Variants in EGFLAM observed in about 807,000 individuals in gnomAD.
EGFLAM encodes EGF like, fibronectin type III and laminin G domains.
In EGFLAM, 79 loss-of-function variants were observed where a neutral mutation model predicts 113.1. The observed-to-expected ratio is 0.70, with a 90% CI of 0.58 to 0.84. The LOEUF (loss-of-function observed/expected upper bound fraction) is 0.84, where lower values mean the gene tolerates loss of function less well. Ranked by LOEUF, EGFLAM falls within the 40% of genes least tolerant of loss-of-function variation. The pLI is 0.00. For synonymous variants in EGFLAM, 504 were observed against 487.6 expected (o/e 1.03, Z -0.44); for missense variants, 1,265 against 1,291.6 (o/e 0.98, Z 0.32).
At chr5:38,330,016 A>G (rs1739000161) in intron 1 of EGFLAM, among the ~76,000 whole-genome samples, 1 of 152,126 alleles carries the variant, frequency 6.6e-6, no homozygotes, top group Non-Finnish European at 1.5e-5. Flanking sequence ...ATACTTTCCT[A>G]CAGAATATGA....
In EGFLAM at chr5:38,361,014, C is replaced by G. The variant is rs986384164; in HGVS notation, c.545+8683C>G. On this transcript the variant is annotated intron_variant, in intron 5 of 21. Transcript: ENST00000322350. ...GGATTACAGGCATGTGCCACCACGC[C>G]CAGCTAATTTTTTTTTTTTTTTTGT... is the stretch of plus-strand genomic sequence containing the variant. Among the ~76,000 whole-genome samples, 8 of 144,874 alleles carry G rather than the reference C, an allele frequency of 5.5e-5. No individual in the cohort carries two copies. The East Asian group carries it at 1.6e-3, about 28-fold the overall frequency.
chr5:38,406,037 G>A (rs1741273326), intron 6 of EGFLAM, 89 bp from the exon 7 acceptor site: 3 of 1,007,234 alleles, frequency 3.0e-6, no homozygotes, highest in East Asian at 2.4e-5. Flanking sequence ...GTTCCATTCG[G>A]TACAGCTCTG....
At chr5:38,290,183 G>A (rs1758281692) in intron 1 of EGFLAM, among the ~76,000 whole-genome samples, 2 of 152,188 alleles carry the variant, frequency 1.3e-5, no homozygotes, top group Admixed American at 1.3e-4. Flanking sequence ...ACCACTGTGA[G>A]CAGCTGGGGC....
In EGFLAM at chr5:38,463,918, G is replaced by T; in HGVS notation, c.2962G>T (p.Asp988Tyr). 1.2e-6 allele frequency: 2 copies of T among 1,614,184 alleles called. No homozygotes were observed. The highest frequency in any genetic ancestry group is 1.7e-6 in the Non-Finnish European group (2 of 1,180,028). Residue 988 changes from aspartate (D) to tyrosine (Y), a missense_variant, in exon 22 of 22, where the codon GAT becomes TAT. Physicochemically the swap from Asp to Tyr is radical, Grantham distance 160. Transcript: ENST00000322350. ...GCISHFTLST[D>Y]YHISLVEDAV... ...TATCTCTCACTTCACCCTGTCCACCGATTACCACATTTCCCTCGTGGAAGA... is the reference window on the plus strand; with the variant it reads ...TATCTCTCACTTCACCCTGTCCACCTATTACCACATTTCCCTCGTGGAAGA...
chr5:38,261,026 A>G (rs565596706), intron 1 of EGFLAM, among the ~76,000 whole-genome samples: 1 of 152,322 alleles, frequency 6.6e-6, no homozygotes, highest in Non-Finnish European at 1.5e-5. Flanking sequence ...GTGCAGGCAT[A>G]CTGGAGCGGT....
rs533200562 is a variant in EGFLAM at position 38,391,902 on chromosome 5, G to A, written c.713-14224G>A. 7.9e-5 allele frequency among the ~76,000 whole-genome samples: 12 copies of A among 151,932 alleles called. No individual in the cohort carries two copies. In the South Asian group the frequency reaches 1.2e-3, roughly 16 times the overall value. The stretch of plus-strand genomic sequence containing the variant: ...AGTGATTCTTGTCCCTCAGCCTCCC[G>A]AGTAGCTGGGATTACAGGCGCCCAC... On this transcript the variant is annotated intron_variant, in intron 6 of 21. Coordinates refer to ENST00000322350, the MANE Select transcript of EGFLAM (RefSeq NM_152403.4).
intron 1 of EGFLAM, among the ~76,000 whole-genome samples, chr5:38,328,394 A>C (rs1016730366): frequency 5.3e-5 from 8 of 152,158 alleles, no homozygotes; most frequent in African/African-American, 1.9e-4. Flanking sequence ...GATCCAAACC[A>C]TATTAGTAGC....
At chr5:38,296,037 C>A (rs1248604792) in intron 1 of EGFLAM, among the ~76,000 whole-genome samples, 5 of 152,084 alleles carry the variant, frequency 3.3e-5, no homozygotes, top group South Asian at 2.1e-4. Flanking sequence ...CCTGGTTACA[C>A]CCAACTGTGC....
intron 12 of EGFLAM, 62 bp from the exon 13 acceptor site, chr5:38,424,905 C>T (rs962683113): frequency 3.8e-6 from 6 of 1,588,028 alleles, no homozygotes; most frequent in East Asian, 2.3e-5. Flanking sequence ...GTGGGGTCAG[C>T]GCCACTGTGT....
chr5:38,436,910 C>T (rs1301900878), intron 16 of EGFLAM, among the ~76,000 whole-genome samples: 1 of 152,220 alleles, frequency 6.6e-6, no homozygotes, highest in Non-Finnish European at 1.5e-5. Flanking sequence ...TCCCAGTGCT[C>T]TCCAAGGGCC....
intron 6 of EGFLAM, among the ~76,000 whole-genome samples, chr5:38,382,974 C>A (rs1579847611): frequency 6.6e-6 from 1 of 152,292 alleles, no homozygotes; most frequent in African/African-American, 2.4e-5. Flanking sequence ...GCATGCCAGC[C>A]ACAGCTGCTC....
At chr5:38,359,175 C>T (rs1038428778) in intron 5 of EGFLAM, among the ~76,000 whole-genome samples, 1 of 152,160 alleles carries the variant, frequency 6.6e-6, no homozygotes, top group Non-Finnish European at 1.5e-5. Context: ...CCTGGAAAAA[C>T]GTTCCTCATC....
At position 38,464,119 on chromosome 5, in the gene EGFLAM, C is replaced by T. The variant is rs932698976; in HGVS notation, c.*133C>T. On this transcript the variant is annotated 3_prime_UTR_variant, in exon 22 of 22. Coordinates refer to ENST00000322350, the MANE Select transcript of EGFLAM (RefSeq NM_152403.4). ...CCTCTCACCAAGAAGAAAGTACACA[C>T]TGATGAGAAACTGAGAACCAAGACA... 7.4e-6 allele frequency: 9 copies of T among 1,220,170 alleles called. No individual in the cohort carries two copies. In the East Asian group the frequency reaches 2.3e-4, roughly 31 times the overall value. 75.6% of individuals were successfully genotyped at this position (1,220,170 alleles called of 1,614,324 possible).
At chr5:38,405,605 G>T (rs978964853) in intron 6 of EGFLAM, among the ~76,000 whole-genome samples, 1 of 152,016 alleles carries the variant, frequency 6.6e-6, no homozygotes, top group Non-Finnish European at 1.5e-5. Flanking sequence ...TTGGGATGTT[G>T]TTTGTTCTTA....
chr5:38,423,431 C>A (rs1287680650), intron 12 of EGFLAM, among the ~76,000 whole-genome samples: 1 of 152,148 alleles, frequency 6.6e-6, no homozygotes, highest in Non-Finnish European at 1.5e-5. Flanking sequence ...TCATGACCTC[C>A]CCTCCCCTAC....
chr5:38,435,281 T>G, intron 16 of EGFLAM, 28 bp downstream of exon 16: 1 of 1,515,832 alleles, frequency 6.6e-7, no homozygotes. Context: ...TCATGTTTAC[T>G]GGGCCACCCA....
chr5:38,336,805 A>G (rs1739198429), intron 1 of EGFLAM, among the ~76,000 whole-genome samples: 1 of 151,768 alleles, frequency 6.6e-6, no homozygotes, highest in African/African-American at 2.4e-5. Flanking sequence ...AGGGATGTCA[A>G]CTGTATAGAA....
intron 13 of EGFLAM, among the ~76,000 whole-genome samples, chr5:38,426,090 G>A (rs893702776): frequency 1.0e-4 from 15 of 147,788 alleles, no homozygotes; most frequent in Admixed American, 9.4e-4. Context: ...GTGACAGAGC[G>A]AGACTCCATC....
chr5:38,407,885 C>G lies in EGFLAM; in HGVS notation c.1228C>G (p.Gln410Glu). Residue 410 changes from glutamine (Q) to glutamate (E), a missense_variant, in exon 9 of 22, where the codon CAA becomes GAA. Transcript: ENST00000322350. ...TCTGAAGAATTCTTATCAGGCATTT[C>G]AAATTACTCTTGAATTTAGGGTAAG... is the stretch of plus-strand genomic sequence containing the variant. ...EPLKNSYQAF[Q>E]ITLEFRAEAE... 1 of 1,612,686 alleles carries G rather than the reference C, an allele frequency of 6.2e-7. No homozygotes were observed. Among genetic ancestry groups the G allele is most frequent in the Non-Finnish European group, 8.5e-7 (1 of 1,178,810 alleles).
Sources: allele counts gnomAD v4.1 joint callset (sites outside exome capture counted in the v4.1 genomes callset), GRCh38; gene constraint gnomAD v4.1.1; transcripts MANE v1.5; gene names NCBI Gene and HGNC (gene_info 2026-07-23, HGNC 2026-07-21).